Variants in AKIP1 observed in about 807,000 individuals in gnomAD.
The protein encoded by AKIP1 is A-kinase interacting protein 1.
In AKIP1, 18 loss-of-function variants were observed where a neutral mutation model predicts 22.3. The observed-to-expected ratio is 0.81, with a 90% CI of 0.56 to 1.19. AKIP1 has a LOEUF of 1.19. Ranked by LOEUF, AKIP1 falls within the 50% of genes most tolerant of loss-of-function variation. The pLI, the probability that AKIP1 is intolerant of heterozygous loss-of-function variation, is 0.00. For missense variants in AKIP1, 287 were observed against 264.6 expected, an observed-to-expected ratio of 1.08 and a Z score of -0.59; for synonymous variants, 120 against 102.7, an observed-to-expected ratio of 1.17 and a Z score of -1.02.
At chr11:8,911,695 C>T in intron 2 of AKIP1, 24 bp downstream of exon 2, 1 of 1,475,750 alleles carries the variant, frequency 6.8e-7, no homozygotes, top group Non-Finnish European at 9.0e-7. Flanking sequence ...TGCCGGGGGC[C>T]GCCCCAGTCC....
At chr11:8,916,032 G>A (rs1402196191) in intron 4 of AKIP1, among the ~76,000 whole-genome samples, 1 of 151,998 alleles carries the variant, frequency 6.6e-6, no homozygotes, top group Non-Finnish European at 1.5e-5. Context: ...GTGTTAGCCA[G>A]GATGGTCTCG....
chr11:8,913,923 G>A (rs1319122807), intron 3 of AKIP1, among the ~76,000 whole-genome samples: 1 of 152,220 alleles, frequency 6.6e-6, no homozygotes, highest in Non-Finnish European at 1.5e-5. Flanking sequence ...TTTGGTTTGA[G>A]GTTTAGCAAA....
intron 5 of AKIP1, 144 bp downstream of exon 5, chr11:8,917,511 G>C (rs7950777): frequency 1.4e-6 from 1 of 702,478 alleles, no homozygotes; most frequent in South Asian, 1.6e-5. Flanking sequence ...GGGCACACAA[G>C]ATTTTGGTTC....
At chr11:8,919,221 C>T in intron 5 of AKIP1, 116 bp from the exon 6 acceptor site, 7 of 987,960 alleles carry the variant, frequency 7.1e-6, no homozygotes, top group Non-Finnish European at 1.1e-5. Context: ...ACCTCTGTCT[C>T]CCACATTAGC....
intron 5 of AKIP1, among the ~76,000 whole-genome samples, chr11:8,918,316 C>T (rs908815327): frequency 6.6e-6 from 1 of 152,186 alleles, no homozygotes; most frequent in Non-Finnish European, 1.5e-5. Context: ...GGTAGACTTC[C>T]AATTTCGCAG....
At position 8,911,647 on chromosome 11, in the gene AKIP1, C is replaced by T. The variant is rs1228251271; in HGVS notation, c.198C>T (p.Gly66=). ...ACCTAGAGAAACAGCCGGCAGCCGG[C>T]CCGCAGCGCGTTCTCCCGGGAGAGG... ...APHLEKQPAA[G]PQRVLPGERE... is the part of the protein sequence containing the mutation. The change falls in exon 2 of 6, where the codon GGC becomes GGT. Residue 66 remains glycine (G), a synonymous_variant. Transcript: ENST00000309377. The T allele has an allele frequency of 1.3e-6, 2 of 1,571,790 alleles. No individual in the cohort carries two copies. The highest frequency in any genetic ancestry group is 1.7e-6 in the Non-Finnish European group (2 of 1,161,254).
intron 5 of AKIP1, chr11:8,918,216 A>G (rs1589927221): frequency 1.3e-5 from 2 of 152,190 alleles, no homozygotes; most frequent in East Asian, 3.8e-4. Flanking sequence ...TGATATAACC[A>G]TATTTTCTAA....
chr11:8,912,380 T>C lies in AKIP1; in HGVS notation c.223-73T>C. On this transcript the variant is annotated intron_variant, in intron 2 of 5. Coordinates refer to ENST00000309377, the MANE Select transcript of AKIP1 (RefSeq NM_020642.4). ...GCCTTTCCAAAAGTAAAAAGGAGAC[T>C]ATTTCCAAAATGGCTTCATTCTCCA... 10 of 1,243,732 alleles carry C rather than the reference T, an allele frequency of 8.0e-6. No homozygotes were observed. In the South Asian group the frequency reaches 1.2e-4, roughly 15 times the overall value. The allele number at this position is 1,243,732 out of a possible 1,614,324, so 77.0% of individuals were successfully genotyped here.
intron 2 of AKIP1, 39 bp downstream of exon 2, chr11:8,911,710 C>T: frequency 6.8e-7 from 1 of 1,462,572 alleles, no homozygotes; most frequent in Non-Finnish European, 9.0e-7. Flanking sequence ...CAGTCCTTCG[C>T]GCCGCGGTAG....
intron 3 of AKIP1, among the ~76,000 whole-genome samples, chr11:8,912,871 C>T (rs377446152): frequency 6.6e-4 from 61 of 92,934 alleles, no homozygotes; most frequent in East Asian, 1.9e-3. Flanking sequence ...TTTTTTTTAA[C>T]TTTTTTTTTT....
At chr11:8,915,358 CTTTTTTTTTTTTT>C (rs559350653) in intron 4 of AKIP1, among the ~76,000 whole-genome samples, 10 of 83,984 alleles carry the variant, frequency 1.2e-4, no homozygotes, top group South Asian at 4.9e-4. Flanking sequence ...TTTTTTTTTT[CTTTTTTTTTTTTT>C]TTTTTTTTTT....
In AKIP1 at chr11:8,919,327, T is replaced by G; in HGVS notation, c.490-10T>G. The G allele has an allele frequency of 6.2e-7, 1 of 1,608,778 alleles. No homozygotes were observed. The highest frequency in any genetic ancestry group is 8.5e-7 in the Non-Finnish European group (1 of 1,178,432). On this transcript the variant is annotated splice_polypyrimidine_tract_variant and intron_variant, in intron 5 of 5. Transcript: ENST00000309377. ...ATCTCTAAACTGCTAATATCCTCTT[T>G]TCCTTCTAGGCTGAGAACATCTCTA... is the stretch of plus-strand genomic sequence containing the variant.
chr11:8,918,062 T>C (rs1459739076), intron 5 of AKIP1: 1 of 152,248 alleles, frequency 6.6e-6, no homozygotes, highest in Admixed American at 6.5e-5. Flanking sequence ...CAAATATAAG[T>C]TGTTAAGGCT....
Position 8,917,281 on chromosome 11 carries a change from C to A in AKIP1, c.409-6C>A. 6.3e-7 allele frequency: 1 copy of A among 1,595,690 alleles called. No individual in the cohort carries two copies. The highest frequency in any genetic ancestry group is 8.6e-7 in the Non-Finnish European group (1 of 1,167,324). On this transcript the variant is annotated splice_region_variant and splice_polypyrimidine_tract_variant and intron_variant, in intron 4 of 5. Transcript: ENST00000309377. ...GCACAAATCAGTGTTCTACTTGTCTCTTCAGAGAAAAGACAGAAAAAAGAC... is the reference window on the plus strand; with the variant it reads ...GCACAAATCAGTGTTCTACTTGTCTATTCAGAGAAAAGACAGAAAAAAGAC...
chr11:8,913,178 CTTT>C (rs772589646), intron 3 of AKIP1, among the ~76,000 whole-genome samples: 3 of 133,230 alleles, frequency 2.3e-5, no homozygotes, highest in African/African-American at 2.8e-5. Context: ...CGTGCCCGAC[CTTT>C]TTTTTTTTTT....
intron 5 of AKIP1, 109 bp from the exon 6 acceptor site, chr11:8,919,228 T>G: frequency 9.5e-7 from 1 of 1,048,556 alleles, no homozygotes; most frequent in Non-Finnish European, 1.4e-6. Context: ...TCTCCCACAT[T>G]AGCGCTTCAT....
intron 5 of AKIP1, among the ~76,000 whole-genome samples, chr11:8,918,869 A>G (rs865842815): frequency 6.6e-6 from 1 of 152,246 alleles, no homozygotes; most frequent in Admixed American, 6.5e-5. Context: ...GCTTTAGGAC[A>G]AAAGAAATGC....
Position 8,912,604 on chromosome 11 carries a change from T to C in AKIP1, c.303+71T>C, listed in dbSNP as rs577782364. On this transcript the variant is annotated intron_variant, in intron 3 of 5. Coordinates refer to ENST00000309377, the MANE Select transcript of AKIP1 (RefSeq NM_020642.4). ...ACCACATTTGGATCTTTCTGGAATT[T>C]ACGGAGAATCTGGACACTACCTGTT... 3 of 1,399,548 alleles carry C rather than the reference T, an allele frequency of 2.1e-6. No individual in the cohort carries two copies. The African/African-American group carries it at 4.3e-5, about 20-fold the overall frequency. The allele number at this position is 1,399,548 out of a possible 1,614,324, so 86.7% of individuals were successfully genotyped here. A position where few individuals can be genotyped will look rare whatever the true frequency, so the allele number is the denominator to read the frequency against.
intron 3 of AKIP1, among the ~76,000 whole-genome samples, chr11:8,912,871 C>CTTTTT (rs71059196): frequency 0.48 from 44,541 of 92,808 alleles, 12,859 homozygotes; most frequent in East Asian, 0.62. Context: ...TTTTTTTTAA[C>CTTTTT]TTTTTTTTTT....
Sources: gnomAD v4.1 joint callset for allele counts (sites outside exome capture counted in the v4.1 genomes callset) on GRCh38, gnomAD v4.1.1 for gene constraint, MANE v1.5 for transcripts, NCBI Gene and HGNC (gene_info 2026-07-23, HGNC 2026-07-21) for gene names.